The following GBP7 variants were observed in gnomAD, a reference collection of about 807,000 sequenced individuals.
GBP7 encodes the protein guanylate binding protein 7.
In GBP7, 43 loss-of-function variants were observed where a neutral mutation model predicts 61.3. The ratio of observed to expected loss-of-function variants is 0.70; its 90% confidence interval spans 0.55 to 0.91. The LOEUF is 0.91. GBP7 is among the 40% of genes least tolerant of loss of function. The pLI is 0.00. For missense variants in GBP7, 717 were observed against 740.5 expected (o/e 0.97, Z 0.37); for synonymous variants, 267 against 271.0 (o/e 0.99, Z 0.14).
In GBP7 at chr1:89,164,825, G is replaced by A. The variant is rs1399215383; in HGVS notation, c.224C>T (p.Thr75Ile). 6.2e-7 allele frequency: 1 copy of A among 1,613,910 alleles called. No homozygotes were observed. ...FPLGCTVKSE[T>I]KGIWMWCVPH... ...CACACACCACATCCAGATGCCTTTG[G>A]TTTCAGACTTCACTGTGCAGCCCAG... is the stretch of plus-strand genomic sequence containing the variant. The change falls in exon 3 of 11, where the codon ACC (threonine) becomes ATC (isoleucine). Residue 75 changes from threonine to isoleucine, a missense_variant. Physicochemically the swap from Thr to Ile is moderately conservative, Grantham distance 89. Coordinates refer to ENST00000294671, the MANE Select transcript of GBP7 (RefSeq NM_207398.3).
intron 3 of GBP7, among the ~76,000 whole-genome samples, chr1:89,158,017 T>G (rs1048053997): frequency 2.6e-5 from 4 of 152,154 alleles, no homozygotes; most frequent in Admixed American, 2.0e-4. Context: ...TCCACCACGA[T>G]CAAGTTGGCT....
At chr1:89,139,556 G>C (rs1681885195) in intron 9 of GBP7, among the ~76,000 whole-genome samples, 1 of 152,030 alleles carries the variant, frequency 6.6e-6, no homozygotes, top group Non-Finnish European at 1.5e-5. Context: ...TCTGACAAAG[G>C]GCTAATATCC....
At chr1:89,160,952 T>C (rs1213638462) in intron 3 of GBP7, among the ~76,000 whole-genome samples, 1 of 152,040 alleles carries the variant, frequency 6.6e-6, no homozygotes, top group Non-Finnish European at 1.5e-5. Flanking sequence ...CACCCTCAGA[T>C]AGGCTCCAAT....
intron 3 of GBP7, among the ~76,000 whole-genome samples, chr1:89,156,390 T>A (rs1188664745): frequency 2.0e-5 from 3 of 152,134 alleles, no homozygotes; most frequent in African/African-American, 7.2e-5. Context: ...AATGCTCCAA[T>A]TAAAAGACAC....
intron 1 of GBP7, among the ~76,000 whole-genome samples, chr1:89,175,424 G>A (rs1368808238): frequency 1.3e-5 from 2 of 152,192 alleles, no homozygotes; most frequent in African/African-American, 4.8e-5. Context: ...TGAAAACAGA[G>A]TATGCGTCTG....
chr1:89,158,073 A>G (rs1682357030), intron 3 of GBP7, among the ~76,000 whole-genome samples: 1 of 152,188 alleles, frequency 6.6e-6, no homozygotes, highest in South Asian at 2.1e-4. Flanking sequence ...AAATCAATAA[A>G]CGTAATCCAT....
chr1:89,149,302 T>C lies in GBP7; in HGVS notation c.1142A>G (p.Lys381Arg), dbSNP rs1414281362. 1.2e-6 allele frequency: 2 copies of C among 1,601,302 alleles called. No individual in the cohort carries two copies. Residue 381 changes from lysine (K) to arginine (R), a missense_variant, in exon 7 of 11, where the codon AAG becomes AGG. Transcript: ENST00000294671. ...AATAACAAAGATTACCACAAGCTTC[T>C]TCTGAAATTCCTGGCTTTTATCTTT... ...SFKDKSQEFQ[K>R]KLVDTMEKKK...
intron 5 of GBP7, among the ~76,000 whole-genome samples, chr1:89,150,884 A>T (rs1375262426): frequency 6.6e-6 from 1 of 152,206 alleles, no homozygotes; most frequent in African/African-American, 2.4e-5. Flanking sequence ...CGATTTTTAA[A>T]ATGTTTGTTG....
intron 2 of GBP7, among the ~76,000 whole-genome samples, chr1:89,171,396 T>C (rs769245348): frequency 5.9e-5 from 9 of 152,130 alleles, no homozygotes; most frequent in Non-Finnish European, 8.8e-5. Context: ...TTACAAAAAA[T>C]AGAGAAATTA....
chr1:89,170,625 T>G (rs1392481938), intron 2 of GBP7, among the ~76,000 whole-genome samples: 1 of 152,138 alleles, frequency 6.6e-6, no homozygotes, highest in Non-Finnish European at 1.5e-5. Context: ...CAGAGATGCT[T>G]TCAGAGAAAG....
chr1:89,147,508 G>T, intron 8 of GBP7, 59 bp downstream of exon 8: 1 of 1,318,712 alleles, frequency 7.6e-7, no homozygotes, highest in Non-Finnish European at 1.1e-6. Flanking sequence ...TTCAGAAGAG[G>T]CAACGAAGAC....
At chr1:89,133,481 A>C (rs771668776) in intron 9 of GBP7, 30 bp from the exon 10 acceptor site, 5 of 1,593,156 alleles carry the variant, frequency 3.1e-6, no homozygotes, top group Non-Finnish European at 4.3e-6. Flanking sequence ...CAGAGGGAAG[A>C]AAATAACAGT....
At position 89,147,645 on chromosome 1, in the gene GBP7, C is replaced by T. The variant is rs144097685; in HGVS notation, c.1287G>A (p.Pro429=). ...CTTCTAAGTAGATATTGTGCCCCCCCGGAACAAAGAAAGTTCCTCTTGAAA... is the reference window on the plus strand; with the variant it reads ...CTTCTAAGTAGATATTGTGCCCCCCTGGAACAAAGAAAGTTCCTCTTGAAA... The part of the protein sequence containing the change: ...ESISRGTFFV[P]GGHNIYLEAK... Residue 429 remains proline (P), a synonymous_variant, in exon 8 of 11, where the codon CCG becomes CCA. Coordinates refer to ENST00000294671, the MANE Select transcript of GBP7 (RefSeq NM_207398.3). The T allele has an allele frequency of 4.8e-5, 77 of 1,614,016 alleles. No individual in the cohort carries two copies. The highest frequency in any genetic ancestry group is 2.7e-4 in the African/African-American group (20 of 74,914).
rs745603796 is a variant in GBP7 at position 89,155,655 on chromosome 1, G to GA, written c.319-2879dup. Among the ~76,000 whole-genome samples the GA allele has an allele frequency of 3.7e-4, 57 of 152,176 alleles. 6 individuals carry two copies. Among genetic ancestry groups the GA allele is most frequent in the Admixed American group, 9.2e-4 (14 of 15,278 alleles). ...AATGAAGTGAGAAGAGAAGTTTAGAGAAAAAAGAGTAAAAAGAAATGAACA... is the reference window on the plus strand; with the variant it reads ...AATGAAGTGAGAAGAGAAGTTTAGAGAAAAAAAGAGTAAAAAGAAATGAACA... On this transcript the variant is annotated intron_variant, in intron 3 of 10. Coordinates refer to ENST00000294671, the MANE Select transcript of GBP7 (RefSeq NM_207398.3).
chr1:89,159,801 G>A (rs1349758394), intron 3 of GBP7, among the ~76,000 whole-genome samples: 1 of 152,104 alleles, frequency 6.6e-6, no homozygotes. Context: ...AAGACGGCGT[G>A]GTGATTCCAC....
chr1:89,163,610 C>G (rs1379321240), intron 3 of GBP7, among the ~76,000 whole-genome samples: 1 of 151,788 alleles, frequency 6.6e-6, no homozygotes, highest in Admixed American at 6.6e-5. Flanking sequence ...ATCCCCCTGT[C>G]GTTTCTGACT....
intron 3 of GBP7, among the ~76,000 whole-genome samples, chr1:89,154,461 C>T (rs1682268903): frequency 6.6e-6 from 1 of 152,080 alleles, no homozygotes; most frequent in South Asian, 2.1e-4. Context: ...ATTCTTCCAC[C>T]TCAGCTTCTG....
rs547963511 is a variant in GBP7 at position 89,163,195 on chromosome 1, T to C, written c.318+1536A>G. Among the ~76,000 whole-genome samples the C allele has an allele frequency of 2.0e-5, 3 of 152,288 alleles. No individual in the cohort carries two copies. The East Asian group carries it at 5.8e-4, about 29-fold the overall frequency. On this transcript the variant is annotated intron_variant, in intron 3 of 10. Coordinates refer to ENST00000294671, the MANE Select transcript of GBP7 (RefSeq NM_207398.3). ...TTTGTTGAGGATTTTTGCATTGATG[T>C]TATCAAGGATATTGGCCTGAAATTT...
intron 7 of GBP7, among the ~76,000 whole-genome samples, chr1:89,148,243 T>C (rs1203035216): frequency 6.6e-6 from 1 of 152,220 alleles, no homozygotes; most frequent in Non-Finnish European, 1.5e-5. Flanking sequence ...TGCTTACACT[T>C]CTAAGCTATG....
Sources: allele counts gnomAD v4.1 joint callset (sites outside exome capture counted in the v4.1 genomes callset), GRCh38; gene constraint gnomAD v4.1.1; transcripts MANE v1.5; gene names NCBI Gene and HGNC (gene_info 2026-07-23, HGNC 2026-07-21).